Variants in PAQR3 observed in about 807,000 individuals in gnomAD.
The protein encoded by PAQR3 is progestin and adipoQ receptor family member 3, also known as Raf kinase trapping to Golgi.
Under a neutral mutation model 41.7 loss-of-function variants are expected in PAQR3, and 39 were observed. The observed-to-expected ratio is 0.93, with a 90% CI of 0.72 to 1.22. The LOEUF is 1.22. Among genes scored for constraint, PAQR3 ranks in the 50% most tolerant of loss-of-function variants. PAQR3 has a pLI of 0.00. For missense variants in PAQR3, 366 were observed against 385.6 expected (o/e 0.95, Z 0.42); for synonymous variants, 140 against 140.6 (o/e 1.00, Z 0.03).
At chr4:78,905,059 A>C (rs1734219712) in intron 11 of PAQR3, among the ~76,000 whole-genome samples, 1 of 151,788 alleles carries the variant, frequency 6.6e-6, no homozygotes, top group South Asian at 2.1e-4. Flanking sequence ...ATTTTTTTTC[A>C]CTAAAAATCT....
In PAQR3 at chr4:78,917,753, G is replaced by C; in HGVS notation, c.*2786C>G. The C allele has an allele frequency of 1.1e-6, 1 of 935,136 alleles. No homozygotes were observed. Among genetic ancestry groups the C allele is most frequent in the South Asian group, 5.0e-5 (1 of 20,162 alleles). 57.9% of individuals were successfully genotyped at this position (935,136 alleles called of 1,614,324 possible). A position where few individuals can be genotyped will look rare whatever the true frequency, so the allele number is the denominator to read the frequency against. On this transcript the variant is annotated 3_prime_UTR_variant, in exon 6 of 6. Coordinates refer to ENST00000512733, the MANE Select transcript of PAQR3 (RefSeq NM_001040202.2). ...TTAATACAGGGCAAAGTATTATCTA[G>C]TAGGTACCTGCCAAATGGAGAGTTG... is the stretch of plus-strand genomic sequence containing the variant.
intron 11 of PAQR3, among the ~76,000 whole-genome samples, chr4:78,901,494 G>A (rs956557695): frequency 1.3e-5 from 2 of 152,154 alleles, no homozygotes; most frequent in African/African-American, 2.4e-5. Flanking sequence ...GAACCTGTTT[G>A]TGAGGATTTC....
At chr4:78,911,841 C>T (rs1734636953), downstream of PAQR3, 2 of 1,613,984 alleles carry the variant, frequency 1.2e-6, no homozygotes, top group Non-Finnish European at 1.7e-6. Flanking sequence ...ACAATACTGT[C>T]CTGCCAGGGC....
rs1389818220 is a variant in PAQR3 at position 78,915,480 on chromosome 4, T to G, written c.*5059A>C. ...AAACTTTTTTCTCATTTTTTTTTCT[T>G]TTTAGCAAACTTGTTATTTTAGGTC... On this transcript the variant is annotated 3_prime_UTR_variant, in exon 6 of 6. Coordinates refer to ENST00000512733, the MANE Select transcript of PAQR3 (RefSeq NM_001040202.2). 1 of 151,974 alleles carries G rather than the reference T, an allele frequency of 6.6e-6. No individual in the cohort carries two copies. Among genetic ancestry groups the G allele is most frequent in the Non-Finnish European group, 1.5e-5 (1 of 67,904 alleles). 9.4% of individuals were successfully genotyped at this position (151,974 alleles called of 1,614,324 possible).
downstream of PAQR3, chr4:78,910,933 G>A (rs201726644): frequency 2.9e-4 from 463 of 1,613,728 alleles, 1 homozygote; most frequent in Admixed American, 4.7e-4. Context: ...AGATGAGGAA[G>A]AAGAGGAGAA....
Position 78,912,364 on chromosome 4 carries a change from CTG to C in PAQR3, c.*8173_*8174del, listed in dbSNP as rs994968926. ...TAGCCACTGAGAAGGGACAGTGAAA[CTG>C]TTATTTTTGATATCAGAATGTCATT... On this transcript the variant is annotated 3_prime_UTR_variant, in exon 6 of 6. Transcript: ENST00000512733. 7.7e-5 allele frequency: 17 copies of C among 221,144 alleles called. No homozygotes were observed. Among genetic ancestry groups the C allele is most frequent in the East Asian group, 5.9e-4 (6 of 10,104 alleles). The allele number at this position is 221,144 out of a possible 1,614,324, so 13.7% of individuals were successfully genotyped here. A position where few individuals can be genotyped will look rare whatever the true frequency, so the allele number is the denominator to read the frequency against.
In PAQR3 at chr4:78,912,417, G is replaced by T; in HGVS notation, c.*8122C>A. ...TTTATGTGCATATCCCTAAAATTAG[G>T]GTTATTTCTACATACACTAGTTACA... is the stretch of plus-strand genomic sequence containing the variant. On this transcript the variant is annotated 3_prime_UTR_variant, in exon 6 of 6. Coordinates refer to ENST00000512733, the MANE Select transcript of PAQR3 (RefSeq NM_001040202.2). 5.9e-6 allele frequency: 1 copy of T among 168,110 alleles called. No homozygotes were observed. Among genetic ancestry groups the T allele is most frequent in the Non-Finnish European group, 1.3e-5 (1 of 78,468 alleles). The allele number at this position is 168,110 out of a possible 1,614,324, so 10.4% of individuals were successfully genotyped here.
intron 11 of PAQR3, among the ~76,000 whole-genome samples, chr4:78,899,835 A>C (rs1273061554): frequency 6.6e-6 from 1 of 152,178 alleles, no homozygotes; most frequent in African/African-American, 2.4e-5. Flanking sequence ...AGAGTTGAAG[A>C]AGTTGAGATA....
At position 78,926,693 on chromosome 4, in the gene PAQR3, G is replaced by C. The variant is rs1736268946; in HGVS notation, c.530C>G (p.Thr177Arg). ...CACTGCCAGGATCATAGCAAGCACT[G>C]TGATCAAGTACACCTGACGCCAGTA... ...NNYWRQVYLI[T>R]VLAMILAVFF... The change falls in exon 4 of 6, where the codon ACA becomes AGA. Residue 177 changes from threonine (T) to arginine (R), a missense_variant. Transcript: ENST00000512733. 1 of 1,613,794 alleles carries C rather than the reference G, an allele frequency of 6.2e-7. No homozygotes were observed. The highest frequency in any genetic ancestry group is 8.5e-7 in the Non-Finnish European group (1 of 1,179,832).
In PAQR3 at chr4:78,915,012, G is replaced by A. The variant is rs953019239; in HGVS notation, c.*5527C>T. ...TCAGCTTTTTATGGCATTGAAGAAT[G>A]TATCTGCTAAGACACAAAAATTGCA... On this transcript the variant is annotated 3_prime_UTR_variant, in exon 6 of 6. Coordinates refer to ENST00000512733, the MANE Select transcript of PAQR3 (RefSeq NM_001040202.2). 6.6e-6 allele frequency: 1 copy of A among 151,984 alleles called. No individual in the cohort carries two copies. The highest frequency in any genetic ancestry group is 2.4e-5 in the African/African-American group (1 of 41,408). 9.4% of individuals were successfully genotyped at this position (151,984 alleles called of 1,614,324 possible).
At chr4:78,898,535 A>G (rs893338304) in intron 11 of PAQR3, among the ~76,000 whole-genome samples, 8 of 151,090 alleles carry the variant, frequency 5.3e-5, no homozygotes, top group African/African-American at 1.9e-4. Context: ...GGAAAGGAAT[A>G]TGATTAATAC....
At chr4:78,921,655 CA>C in intron 5 of PAQR3, 1 of 983,378 alleles carries the variant, frequency 1.0e-6, no homozygotes, top group Non-Finnish European at 1.2e-6. Flanking sequence ...TTGGACCCAT[CA>C]AATGCCACTG....
At chr4:78,923,410 A>G (rs1006842470) in intron 5 of PAQR3, 1 of 208,248 alleles carries the variant, frequency 4.8e-6, no homozygotes, top group Non-Finnish European at 9.7e-6. Context: ...TATACAAGTG[A>G]CATGTTGGTG....
In PAQR3 at chr4:78,939,305, C is replaced by A; in HGVS notation, c.-81G>T. 2 of 1,354,110 alleles carry A rather than the reference C, an allele frequency of 1.5e-6. No individual in the cohort carries two copies. The highest frequency in any genetic ancestry group is 1.9e-6 in the Non-Finnish European group (2 of 1,027,178). 83.9% of individuals were successfully genotyped at this position (1,354,110 alleles called of 1,614,324 possible). On this transcript the variant is annotated 5_prime_UTR_variant, in exon 1 of 6. Coordinates refer to ENST00000512733, the MANE Select transcript of PAQR3 (RefSeq NM_001040202.2). ...CGGGGAGGGGGCTTCGCCGCTGGCG[C>A]CCCCGCCCCGGAGCCCGCGGACGCT...
intron 2 of PAQR3, among the ~76,000 whole-genome samples, chr4:78,934,912 CT>C (rs1391377199): frequency 6.6e-6 from 1 of 152,116 alleles, no homozygotes; most frequent in Non-Finnish European, 1.5e-5. Flanking sequence ...GAAACAAATT[CT>C]TCTCAATCTT....
rs1182850306 is a variant in PAQR3, at chr4:78,889,348, G to A, written c.*837-1200C>T. On this transcript the variant is annotated intron_variant and NMD_transcript_variant, in intron 11 of 12. Transcript: ENST00000342820. ...AAAAAGTATATAGACTGGAATAAAG[G>A]AGAGTATGGTCATAGGAGAAATGCG... Among the ~76,000 whole-genome samples, 5 of 152,078 alleles carry A rather than the reference G, an allele frequency of 3.3e-5. No individual in the cohort carries two copies. The East Asian group carries it at 9.7e-4, about 29-fold the overall frequency.
At chr4:78,936,284 G>A (rs894925370) in intron 1 of PAQR3, among the ~76,000 whole-genome samples, 2 of 152,146 alleles carry the variant, frequency 1.3e-5, no homozygotes, top group Admixed American at 6.5e-5. Flanking sequence ...GCAAAATCTC[G>A]TATTTTTGCT....
In PAQR3 at chr4:78,890,173, G is replaced by GA. The variant is rs981087437; in HGVS notation, c.*837-2026dup. 9.1e-3 allele frequency among the ~76,000 whole-genome samples: 1,323 copies of GA among 146,086 alleles called. 10 individuals are homozygous for GA. Among genetic ancestry groups the GA allele is most frequent in the Non-Finnish European group, 0.015 (978 of 66,066 alleles). ...GTCAGATTTAACAAGATTTGAAATG[G>GA]AAAAAAAAAAATCACTTCCTTTCCT... On this transcript the variant is annotated intron_variant and NMD_transcript_variant, in intron 11 of 12. Coordinates refer to the PAQR3 transcript ENST00000342820.
At chr4:78,894,002 C>T (rs974637546) in intron 11 of PAQR3, among the ~76,000 whole-genome samples, 10 of 152,176 alleles carry the variant, frequency 6.6e-5, no homozygotes, top group Admixed American at 6.5e-4. Context: ...TGTCAATGAG[C>T]AGGAATATTT....
Sources: allele counts gnomAD v4.1 joint callset (sites outside exome capture counted in the v4.1 genomes callset), GRCh38; gene constraint gnomAD v4.1.1; transcripts MANE v1.5; gene names NCBI Gene and HGNC (gene_info 2026-07-23, HGNC 2026-07-21).